CDH23: variants seen among roughly 807,000 people sequenced by gnomAD.
CDH23 encodes cadherin related 23, also known as cadherin-23.
In CDH23, 189 loss-of-function variants were observed where a neutral mutation model predicts 317.1. That is an observed-to-expected ratio of 0.60 (90% CI 0.53 to 0.67). CDH23 has a LOEUF of 0.67. CDH23 is among the 30% of genes least tolerant of loss of function. The pLI, the probability that CDH23 is intolerant of heterozygous loss-of-function variation, is 0.00. For missense variants in CDH23, 4,401 were observed against 4,592.4 expected (o/e 0.96, Z 1.20); for synonymous variants, 1,839 against 1,876.8 (o/e 0.98, Z 0.52).
chr10:71,810,452 C>A lies in CDH23; in HGVS notation c.8980-20C>A, dbSNP rs376389428. 37 of 1,612,342 alleles carry A rather than the reference C, an allele frequency of 2.3e-5. No homozygotes were observed. Among genetic ancestry groups the A allele is most frequent in the Non-Finnish European group, 3.1e-5 (36 of 1,178,420 alleles). On this transcript the variant is annotated intron_variant, in intron 61 of 69. Transcript: ENST00000224721. ...CCCCTGCTGTGGTGGCCACACCCTA[C>A]AATACCCCTTCTCATCTAGTTCCAT...
At chr10:71,428,999 T>C (rs1347995886) in intron 1 of CDH23, among the ~76,000 whole-genome samples, 2 of 152,246 alleles carry the variant, frequency 1.3e-5, no homozygotes, top group African/African-American at 4.8e-5. Flanking sequence ...TTATCTGGCA[T>C]GTGATTTGTA....
chr10:71,525,473 G>A (rs896849391), intron 6 of CDH23, among the ~76,000 whole-genome samples: 10 of 152,208 alleles, frequency 6.6e-5, no homozygotes, highest in Non-Finnish European at 1.3e-4. Context: ...ACAACAGTGG[G>A]AAGCTGGTGG....
At chr10:71,412,610 G>A (rs1258998078) in intron 1 of CDH23, among the ~76,000 whole-genome samples, 1 of 152,064 alleles carries the variant, frequency 6.6e-6, no homozygotes, top group East Asian at 1.9e-4. Context: ...CTGAGCTCAA[G>A]TGATCTTCAC....
chr10:71,608,095 T>G (rs1276189755), intron 9 of CDH23, among the ~76,000 whole-genome samples: 1 of 151,964 alleles, frequency 6.6e-6, no homozygotes, highest in Admixed American at 6.6e-5. Context: ...AAGGAATGAG[T>G]GGTTTGCAGG....
chr10:71,677,757 C>A, intron 16 of CDH23, 64 bp downstream of exon 16: 1 of 1,358,868 alleles, frequency 7.4e-7, no homozygotes. Flanking sequence ...TACTTGCTTG[C>A]TTGCTTCTTT....
At chr10:71,813,778 G>A (rs1404917129) in intron 69 of CDH23, among the ~76,000 whole-genome samples, 1 of 152,032 alleles carries the variant, frequency 6.6e-6, no homozygotes, top group Non-Finnish European at 1.5e-5. Context: ...CCTGGTGGCG[G>A]ACGCCTATAA....
At chr10:71,510,000 A>G (rs1344481067) in intron 3 of CDH23, 82 bp from the exon 4 acceptor site, 2 of 1,539,412 alleles carry the variant, frequency 1.3e-6, no homozygotes, top group African/African-American at 2.7e-5. Flanking sequence ...CCCTGCTGAG[A>G]GTTCAGCCAC....
chr10:71,680,993 A>C (rs1485598336), intron 17 of CDH23, among the ~76,000 whole-genome samples: 2 of 150,610 alleles, frequency 1.3e-5, no homozygotes, highest in African/African-American at 4.9e-5. Flanking sequence ...CGCCCAGCTA[A>C]TTTTTGTATT....
chr10:71,765,281 C>G (rs565296845), intron 38 of CDH23, among the ~76,000 whole-genome samples: 1 of 152,232 alleles, frequency 6.6e-6, no homozygotes, highest in African/African-American at 2.4e-5. Context: ...GCTTCAGCTA[C>G]GGTAGTATTT....
At chr10:71,724,135 G>A (rs190677756) in intron 29 of CDH23, 30 bp downstream of exon 29, 230 of 1,550,840 alleles carry the variant, frequency 1.5e-4, no homozygotes, top group Non-Finnish European at 1.9e-4. Flanking sequence ...GATGGGGGGC[G>A]GTCCTCCTGC....
At chr10:71,701,076 G>A (rs1199077932) in intron 22 of CDH23, among the ~76,000 whole-genome samples, 2 of 152,174 alleles carry the variant, frequency 1.3e-5, no homozygotes, top group African/African-American at 4.8e-5. Context: ...GTCCACCCCT[G>A]GTGCCACAGT....
chr10:71,778,023 T>C (rs1478286033), intron 39 of CDH23, 122 bp downstream of exon 39: 1 of 1,418,740 alleles, frequency 7.0e-7, no homozygotes, highest in South Asian at 1.3e-5. Context: ...GTGGGGGCAC[T>C]CAGTGTGGGA....
intron 41 of CDH23, among the ~76,000 whole-genome samples, chr10:71,782,270 C>G (rs1385632441): frequency 1.3e-5 from 2 of 152,248 alleles, no homozygotes; most frequent in South Asian, 2.1e-4. Flanking sequence ...GGACCCCTTT[C>G]CTACATCCTC....
In CDH23 at chr10:71,759,952, T is replaced by TACAC. The variant is rs1467012722; in HGVS notation, c.4846-17727_4846-17726insCACA. Among the ~76,000 whole-genome samples the TACAC allele has an allele frequency of 1.7e-3, 182 of 106,206 alleles. 5 individuals are homozygous for TACAC. The highest frequency in any genetic ancestry group is 2.0e-3 in the Non-Finnish European group (90 of 45,870). The allele number at this position is 106,206 out of a possible 152,430, so 69.7% of individuals were successfully genotyped here. A position where few individuals can be genotyped will look rare whatever the true frequency, so the allele number is the denominator to read the frequency against. ...ACACATATATACACACACACATATATATACACACACATATATATACACACA... is the reference window on the plus strand; with the variant it reads ...ACACATATATACACACACACATATATACACATACACACACATATATATACACACA... On this transcript the variant is annotated intron_variant, in intron 38 of 69. Transcript: ENST00000224721.
At chr10:71,399,217 C>A (rs1847672627) in intron 1 of CDH23, among the ~76,000 whole-genome samples, 1 of 152,216 alleles carries the variant, frequency 6.6e-6, no homozygotes, top group African/African-American at 2.4e-5. Flanking sequence ...CAGAGTGTGG[C>A]CTGTGGACAT....
rs542861766 is a variant in CDH23, at chr10:71,560,012, G to A, written c.430-6730G>A. Among the ~76,000 whole-genome samples the A allele has an allele frequency of 3.7e-4, 56 of 152,300 alleles. 1 individual carries two copies. The South Asian group carries it at 0.011, about 29-fold the overall frequency. ...TCTCCCCTATACTGTCCTCTGTGTGGACCTCGTCCTCCTGCGCTCAAGTGC... is the reference window on the plus strand; with the variant it reads ...TCTCCCCTATACTGTCCTCTGTGTGAACCTCGTCCTCCTGCGCTCAAGTGC... On this transcript the variant is annotated intron_variant, in intron 6 of 69. Coordinates refer to ENST00000224721, the MANE Select transcript of CDH23 (RefSeq NM_022124.6).
intron 11 of CDH23, among the ~76,000 whole-genome samples, chr10:71,625,445 A>G (rs1168524082): frequency 1.7e-5 from 1 of 59,766 alleles, no homozygotes; most frequent in Admixed American, 2.4e-4. Context: ...AAAAGGCCAT[A>G]TTCCTGAATG....
intron 3 of CDH23, among the ~76,000 whole-genome samples, chr10:71,457,073 GA>G (rs1850732396): frequency 6.6e-6 from 1 of 152,214 alleles, no homozygotes; most frequent in African/African-American, 2.4e-5. Context: ...CGAGGAGGAA[GA>G]AACTCATCCT....
intron 6 of CDH23, among the ~76,000 whole-genome samples, chr10:71,554,488 A>T (rs932031509): frequency 2.6e-5 from 4 of 152,008 alleles, no homozygotes; most frequent in African/African-American, 9.7e-5. Flanking sequence ...ATTTAAAAAA[A>T]ATTCCAGGAG....
Sources: gnomAD v4.1 joint callset for allele counts (sites outside exome capture counted in the v4.1 genomes callset) on GRCh38, gnomAD v4.1.1 for gene constraint, MANE v1.5 for transcripts, NCBI Gene and HGNC (gene_info 2026-07-23, HGNC 2026-07-21) for gene names.